EXD1: variants seen among roughly 807,000 people sequenced by gnomAD.
EXD1 encodes exonuclease 3'-5' domain containing 1, also known as piRNA biogenesis protein EXD1.
In EXD1, 63 loss-of-function variants were observed where a neutral mutation model predicts 49.1. The observed-to-expected ratio is 1.28, with a 90% CI of 1.05 to 1.58. The LOEUF is 1.58. Ranked by LOEUF, EXD1 falls within the 40% of genes most tolerant of loss-of-function variation. EXD1 has a pLI of 0.00. For synonymous variants in EXD1, 234 were observed against 239.2 expected (o/e 0.98, Z 0.20); for missense variants, 748 against 666.0 (o/e 1.12, Z -1.36).
At chr15:41,208,834 A>C (rs2046875799) in intron 7 of EXD1, among the ~76,000 whole-genome samples, 1 of 152,094 alleles carries the variant, frequency 6.6e-6, no homozygotes, top group Non-Finnish European at 1.5e-5. Context: ...ATGTGGTGAG[A>C]AACCTGCTGT....
intron 11 of EXD1, among the ~76,000 whole-genome samples, chr15:41,188,528 G>A (rs1386322294): frequency 2.6e-5 from 4 of 151,820 alleles, no homozygotes; most frequent in Non-Finnish European, 5.9e-5. Flanking sequence ...AAGTAGCTGG[G>A]ACTACAGGTG....
rs2047060945 is a variant in EXD1 at position 41,219,895 on chromosome 15, T to C, written c.137A>G (p.Lys46Arg). 5.2e-6 allele frequency: 8 copies of C among 1,534,628 alleles called. No individual in the cohort carries two copies. The highest frequency in any genetic ancestry group is 7.0e-6 in the Non-Finnish European group (8 of 1,146,270). The change falls in exon 3 of 12, where the codon AAG becomes AGG. Residue 46 changes from lysine to arginine, a missense_variant. Lys to Arg is a conservative substitution (Grantham distance 26, BLOSUM62 2). Transcript: ENST00000458580. ...PNKIVVLKKV[K>R]NVETGRSVPG... The stretch of plus-strand genomic sequence containing the variant: ...GACACTTCGACCTGTCTCCACATTC[T>C]TCACTGTTACAGAAAACAATTCATT...
intron 7 of EXD1, among the ~76,000 whole-genome samples, chr15:41,201,185 T>C (rs765240695): frequency 3.3e-5 from 5 of 152,142 alleles, no homozygotes; most frequent in Non-Finnish European, 5.9e-5. Flanking sequence ...GAATGTTCTG[T>C]GTTGAGTAGA....
chr15:41,214,090 C>T (rs2046963329), intron 6 of EXD1, among the ~76,000 whole-genome samples: 1 of 152,018 alleles, frequency 6.6e-6, no homozygotes, highest in Non-Finnish European at 1.5e-5. Flanking sequence ...TGGCGTGAAC[C>T]CGGGAGGTGG....
Position 41,183,967 on chromosome 15 carries a change from G to C in EXD1, c.1683C>G (p.Ile561Met). Residue 561 changes from isoleucine to methionine, a missense_variant, in exon 12 of 12, where the codon ATC (isoleucine) becomes ATG (methionine). Physicochemically the swap from Ile to Met is conservative, Grantham distance 10 (BLOSUM62 1). Transcript: ENST00000458580. Reference protein sequence around the residue: ...TLPPCPALEKIDSWISPFLNL... With the variant: ...TLPPCPALEKMDSWISPFLNL... ...TTAGAAAAGGACTTATCCAGGAATC[G>C]ATCTTCTCCAAGGCTGGACAGGGAG... 6.2e-7 allele frequency: 1 copy of C among 1,607,450 alleles called. No homozygotes were observed. The highest frequency in any genetic ancestry group is 1.3e-5 in the African/African-American group (1 of 74,748).
At chr15:41,220,074 C>T (rs930274242) in intron 2 of EXD1, among the ~76,000 whole-genome samples, 176 bp from the exon 3 acceptor site, 3 of 150,754 alleles carry the variant, frequency 2.0e-5, no homozygotes, top group Non-Finnish European at 4.4e-5. Context: ...GACAAAGCTA[C>T]GACCTTTAAA....
chr15:41,227,060 A>G (rs2064824530), intron 1 of EXD1, among the ~76,000 whole-genome samples: 1 of 152,238 alleles, frequency 6.6e-6, no homozygotes, highest in Admixed American at 6.5e-5. Context: ...GCTATTTTTT[A>G]TAACTCTGGT....
Position 41,191,571 on chromosome 15 carries a change from A to G in EXD1, c.735T>C (p.Leu245=). The change falls in exon 10 of 12, where the codon CTT becomes CTC. Residue 245 remains leucine, a synonymous_variant. Coordinates refer to ENST00000458580, the MANE Select transcript of EXD1 (RefSeq NM_001286441.2). ...AGCCACCCGTTTCCATGGAAAACTG[A>G]AGTACATCTGCTACCTGTGGTATTT... The part of the protein sequence containing the change: ...NVFDTQVADV[L]QFSMETGGYL... 6.2e-7 allele frequency: 1 copy of G among 1,614,024 alleles called. No homozygotes were observed. The highest frequency in any genetic ancestry group is 8.5e-7 in the Non-Finnish European group (1 of 1,179,960).
chr15:41,185,751 G>A (rs144159819), intron 11 of EXD1, among the ~76,000 whole-genome samples: 1 of 151,986 alleles, frequency 6.6e-6, no homozygotes, highest in African/African-American at 2.4e-5. Flanking sequence ...GAATCCCTGG[G>A]CTCAAGTGAT....
chr15:41,187,838 T>C (rs1349153850), intron 11 of EXD1, among the ~76,000 whole-genome samples: 1 of 151,164 alleles, frequency 6.6e-6, no homozygotes, highest in African/African-American at 2.4e-5. Flanking sequence ...CAACATGGAG[T>C]AACCCCGTCT....
chr15:41,193,312 T>C (rs2046560041), intron 9 of EXD1, among the ~76,000 whole-genome samples: 1 of 152,176 alleles, frequency 6.6e-6, no homozygotes, highest in African/African-American at 2.4e-5. Flanking sequence ...GAAGATAAAA[T>C]TCAAGAATTA....
chr15:41,185,299 A>G (rs2046391010), intron 11 of EXD1, among the ~76,000 whole-genome samples: 1 of 151,880 alleles, frequency 6.6e-6, no homozygotes. Context: ...TTTCCTCCAA[A>G]TTTTTATTTT....
chr15:41,226,499 A>C lies in EXD1; in HGVS notation c.77T>G (p.Val26Gly). The stretch of plus-strand genomic sequence containing the variant: ...AACATGCTGAAGCACACCCTCGAAG[A>C]CACCACAGACCAATGTGAGTTTCAC... Reference protein sequence around the residue: ...KRVKLTLVCGVFEGVLQHVDP... With the variant: ...KRVKLTLVCGGFEGVLQHVDP... The change falls in exon 2 of 12, where the codon GTC becomes GGC. Residue 26 changes from valine (V) to glycine (G), a missense_variant. By Grantham distance (109) the Val-to-Gly change is moderately radical. Transcript: ENST00000458580. The C allele has an allele frequency of 6.5e-7, 1 of 1,536,112 alleles. No individual in the cohort carries two copies. The highest frequency in any genetic ancestry group is 8.7e-7 in the Non-Finnish European group (1 of 1,146,898).
intron 2 of EXD1, among the ~76,000 whole-genome samples, chr15:41,220,594 T>G (rs1440001420): frequency 4.6e-5 from 7 of 152,060 alleles, no homozygotes; most frequent in African/African-American, 1.7e-4. Context: ...ACACCCTGCT[T>G]CATGTTATGC....
intron 7 of EXD1, among the ~76,000 whole-genome samples, chr15:41,197,918 G>C (rs2140841896): frequency 6.6e-6 from 1 of 151,688 alleles, no homozygotes; most frequent in African/African-American, 2.4e-5. Context: ...CAGCTACTTG[G>C]GGGGCCGAGG....
intron 7 of EXD1, among the ~76,000 whole-genome samples, chr15:41,201,723 C>T (rs781288173): frequency 6.4e-4 from 98 of 151,994 alleles, no homozygotes; most frequent in Non-Finnish European, 1.1e-3. Flanking sequence ...TCCCTGACCT[C>T]GTGATCCGCC....
At chr15:41,218,102 T>G (rs911659124) in intron 3 of EXD1, among the ~76,000 whole-genome samples, 1 of 152,124 alleles carries the variant, frequency 6.6e-6, no homozygotes, top group Non-Finnish European at 1.5e-5. Flanking sequence ...CCCAGCACTC[T>G]GGGAAGCTGA....
At chr15:41,219,665 T>C (rs990718777) in intron 3 of EXD1, 165 bp downstream of exon 3, 3 of 550,864 alleles carry the variant, frequency 5.4e-6, no homozygotes, top group African/African-American at 1.9e-5. Context: ...TGATTATAAT[T>C]CTATAAGACT....
chr15:41,201,652 G>T (rs1460790074), intron 7 of EXD1, among the ~76,000 whole-genome samples: 1 of 151,702 alleles, frequency 6.6e-6, no homozygotes, highest in Non-Finnish European at 1.5e-5. Context: ...ACCATGCCTG[G>T]TTATTTTTCA....
Sources: allele counts gnomAD v4.1 joint callset (sites outside exome capture counted in the v4.1 genomes callset), GRCh38; gene constraint gnomAD v4.1.1; transcripts MANE v1.5; gene names NCBI Gene and HGNC (gene_info 2026-07-23, HGNC 2026-07-21).